Variants in PLXNA4 observed in about 807,000 individuals in gnomAD.
PLXNA4 encodes the protein plexin A4.
In PLXNA4, 44 loss-of-function variants were observed where a neutral mutation model predicts 191.8. That is an observed-to-expected ratio of 0.23 (90% CI 0.18 to 0.29). The LOEUF (loss-of-function observed/expected upper bound fraction) is 0.29. PLXNA4 is among the 10% of genes least tolerant of loss of function. The probability of loss-of-function intolerance (pLI) is 1.00; values close to 1 mark genes in which losing one functional copy is unlikely to be tolerated. For synonymous variants in PLXNA4, 1,082 were observed against 1,009.5 expected, an observed-to-expected ratio of 1.07 and a Z score of -1.36; for missense variants, 1,800 against 2,488.8, an observed-to-expected ratio of 0.72 and a Z score of 5.89.
At position 132,563,253 on chromosome 7, in the gene PLXNA4, ACTCCTT is replaced by A. The variant is rs1454686735; in HGVS notation, c.-87+13163_-87+13168del. ...TCTTTCTCCTCCTCCTCCTTCTCCT[ACTCCTT>A]CTCCTCTTCATCCTCCTCCTCCTTC... On this transcript the variant is annotated intron_variant, in intron 1 of 31. Transcript: ENST00000321063. 2.4e-4 allele frequency among the ~76,000 whole-genome samples: 5 copies of A among 20,870 alleles called. 1 individual carries two copies. The East Asian group carries it at 7.5e-3, about 31-fold the overall frequency. The allele number at this position is 20,870 out of a possible 152,430, so 13.7% of individuals were successfully genotyped here.
intron 4 of PLXNA4, among the ~76,000 whole-genome samples, chr7:132,256,717 G>A (rs941494404): frequency 3.3e-5 from 5 of 152,168 alleles, no homozygotes; most frequent in Non-Finnish European, 5.9e-5. Context: ...TTTTCTCAAG[G>A]CCCTGTACTC....
upstream of PLXNA4, among the ~76,000 whole-genome samples, chr7:132,577,525 G>C (rs1341799303): frequency 6.6e-6 from 1 of 151,910 alleles, no homozygotes; most frequent in African/African-American, 2.4e-5. Flanking sequence ...GAGAGCGGCC[G>C]GCAGAGGGGG....
rs1218154821 is a variant in PLXNA4, at chr7:132,124,196, C to T, written c.*6283G>A. On this transcript the variant is annotated 3_prime_UTR_variant, in exon 32 of 32. Transcript: ENST00000321063. ...GGCTGTCCATTCTAAAACACAAAAT[C>T]GTTGGTTTCCGAATGGAAACAAGAT... 1 of 152,176 alleles carries T rather than the reference C, an allele frequency of 6.6e-6. No individual in the cohort carries two copies. The highest frequency in any genetic ancestry group is 1.5e-5 in the Non-Finnish European group (1 of 68,040). 9.4% of individuals were successfully genotyped at this position (152,176 alleles called of 1,614,324 possible). A position where few individuals can be genotyped will look rare whatever the true frequency, so the allele number is the denominator to read the frequency against.
chr7:132,430,154 G>A (rs1563094128), intron 3 of PLXNA4, among the ~76,000 whole-genome samples: 1 of 152,174 alleles, frequency 6.6e-6, no homozygotes, highest in Non-Finnish European at 1.5e-5. Context: ...GCAACAGGGA[G>A]TACCAAGTAT....
intron 30 of PLXNA4, among the ~76,000 whole-genome samples, chr7:132,137,377 C>A (rs1207715429): frequency 6.6e-6 from 1 of 150,486 alleles, no homozygotes; most frequent in Non-Finnish European, 1.5e-5. Flanking sequence ...GCAAGAATGA[C>A]CTTTCAACTC....
chr7:132,508,448 C>T lies in PLXNA4; in HGVS notation c.246G>A (p.Val82=). The part of the protein sequence containing the change: ...YKLSSDLKVL[V]THETGPDEDN... ...CCTCGTCCGGCCCTGTCTCATGCGT[C>T]ACCAAGACCTTCAGGTCGCTGGAGA... Residue 82 remains valine (V), a synonymous_variant, in exon 2 of 32, where the codon GTG becomes GTA. Transcript: ENST00000321063. This position sits in a 1 kb window ranked among gnomAD's most constrained non-coding sequence, Gnocchi z 4.4. 1 of 1,614,210 alleles carries T rather than the reference C, an allele frequency of 6.2e-7. No individual in the cohort carries two copies. Among genetic ancestry groups the T allele is most frequent in the South Asian group, 1.1e-5 (1 of 91,086 alleles).
chr7:132,353,794 G>C lies in PLXNA4; in HGVS notation c.1372-55572C>G, dbSNP rs183996120. Among the ~76,000 whole-genome samples, 117 of 152,224 alleles carry C rather than the reference G, an allele frequency of 7.7e-4. 3 individuals carry two copies. The East Asian group carries it at 0.019, about 25-fold the overall frequency. ...TTTATTATGGGGAGAACTTGAGGTGGGGGGCAAGCAGTATCTTGCTCAGCC... is the reference window on the plus strand; with the variant it reads ...TTTATTATGGGGAGAACTTGAGGTGCGGGGCAAGCAGTATCTTGCTCAGCC... On this transcript the variant is annotated intron_variant, in intron 3 of 31. Coordinates refer to ENST00000321063, the MANE Select transcript of PLXNA4 (RefSeq NM_020911.2).
intron 3 of PLXNA4, among the ~76,000 whole-genome samples, chr7:132,473,724 C>A (rs1797016197): frequency 6.6e-6 from 1 of 151,892 alleles, no homozygotes; most frequent in South Asian, 2.1e-4. Context: ...CAGTTTCAGT[C>A]ATATTAGAGA....
chr7:132,290,900 C>T (rs764082235), intron 4 of PLXNA4, among the ~76,000 whole-genome samples: 2 of 152,234 alleles, frequency 1.3e-5, no homozygotes, highest in African/African-American at 4.8e-5. Flanking sequence ...ATCCAGGCTA[C>T]AGAACTACGT....
At chr7:132,579,414 A>T (rs1373759000), upstream of PLXNA4, among the ~76,000 whole-genome samples, 6 of 148,938 alleles carry the variant, frequency 4.0e-5, no homozygotes. Flanking sequence ...TCCTCCTCAT[A>T]TCGGTTGTAT....
chr7:132,193,357 C>T (rs1797153528), intron 14 of PLXNA4, among the ~76,000 whole-genome samples: 1 of 152,160 alleles, frequency 6.6e-6, no homozygotes, highest in Non-Finnish European at 1.5e-5. Flanking sequence ...CTTGGACTTC[C>T]CAGCCTCCAG....
chr7:132,478,780 C>T (rs1419458598), intron 3 of PLXNA4, among the ~76,000 whole-genome samples: 1 of 152,126 alleles, frequency 6.6e-6, no homozygotes, highest in Non-Finnish European at 1.5e-5. Context: ...CAACATCATT[C>T]TGGCCTCTCA....
intron 3 of PLXNA4, among the ~76,000 whole-genome samples, chr7:132,487,639 G>A (rs555779513): frequency 8.5e-5 from 13 of 152,196 alleles, no homozygotes; most frequent in Non-Finnish European, 1.5e-4. Flanking sequence ...GCTGGAAGCT[G>A]CAGAATGAGG....
At chr7:132,463,863 G>A (rs769350474) in intron 3 of PLXNA4, among the ~76,000 whole-genome samples, 12 of 152,122 alleles carry the variant, frequency 7.9e-5, no homozygotes, top group Non-Finnish European at 1.0e-4. Context: ...TAAATTCATC[G>A]CTATTCCACC....
At chr7:132,297,233 TG>T (rs1251529446) in intron 4 of PLXNA4, among the ~76,000 whole-genome samples, 1 of 152,032 alleles carries the variant, frequency 6.6e-6, no homozygotes, top group African/African-American at 2.4e-5. Context: ...TACATATTCA[TG>T]GGATAGAGGG....
At chr7:132,346,504 T>C (rs567558795) in intron 3 of PLXNA4, among the ~76,000 whole-genome samples, 1 of 152,332 alleles carries the variant, frequency 6.6e-6, no homozygotes, top group African/African-American at 2.4e-5. Flanking sequence ...AGAATTTTTG[T>C]GCTAGCCCTG....
At chr7:132,621,274 T>C (rs1376568306) in intron 2 of PLXNA4, among the ~76,000 whole-genome samples, 2 of 150,826 alleles carry the variant, frequency 1.3e-5, no homozygotes, top group Non-Finnish European at 3.0e-5. Context: ...TTTTGTTTTT[T>C]TTTTTAGATG....
chr7:132,173,507 A>T (rs1390279985), intron 21 of PLXNA4, among the ~76,000 whole-genome samples: 1 of 152,182 alleles, frequency 6.6e-6, no homozygotes, highest in African/African-American at 2.4e-5. Flanking sequence ...AGCCAAAGGG[A>T]GCCTCCTCCA....
At chr7:132,290,254 T>G (rs2116456146) in intron 4 of PLXNA4, among the ~76,000 whole-genome samples, 1 of 152,334 alleles carries the variant, frequency 6.6e-6, no homozygotes, top group South Asian at 2.1e-4. Flanking sequence ...GTTTGAGGCT[T>G]CTGGCTTCCA....
Sources: allele counts gnomAD v4.1 joint callset (sites outside exome capture counted in the v4.1 genomes callset), GRCh38; gene constraint gnomAD v4.1.1; non-coding constraint Gnocchi (gnomAD v3.1); transcripts MANE v1.5; gene names NCBI Gene and HGNC (gene_info 2026-07-23, HGNC 2026-07-21).